The following ZFHX3 variants were observed in gnomAD, a reference collection of about 807,000 sequenced individuals.
ZFHX3 encodes zinc finger homeobox 3, also known as zinc finger homeobox protein 3.
ZFHX3 carries 42 observed loss-of-function variants against 279.1 expected under a neutral mutation model. The ratio of observed to expected loss-of-function variants is 0.15; its 90% CI spans 0.12 to 0.19. The LOEUF (loss-of-function observed/expected upper bound fraction) is 0.19, where lower values mean the gene tolerates loss of function less well. Ranked by LOEUF, ZFHX3 falls within the 10% of genes least tolerant of loss-of-function variation. ZFHX3 has a pLI of 1.00. For synonymous variants in ZFHX3, 2,293 were observed against 1,957.8 expected (o/e 1.17, Z -4.52); for missense variants, 4,981 against 4,754.0 (o/e 1.05, Z -1.40).
chr16:73,837,765 T>C (rs1555504355), intron 1 of ZFHX3, among the ~76,000 whole-genome samples: 1 of 152,124 alleles, frequency 6.6e-6, no homozygotes, highest in Non-Finnish European at 1.5e-5. Context: ...GCCTGATGAG[T>C]AGCTGGGATT....
chr16:73,683,962 A>G lies in ZFHX3; in HGVS notation c.-1607-3722T>C, dbSNP rs189966102. Among the ~76,000 whole-genome samples, 22 of 152,342 alleles carry G rather than the reference A, an allele frequency of 1.4e-4. No homozygotes were observed. In the East Asian group the frequency reaches 4.1e-3, roughly 28 times the overall value. On this transcript the variant is annotated intron_variant, in intron 1 of 17. Coordinates refer to the ZFHX3 transcript ENST00000641206. ...CCAAACTACTCAACTCTGTGCTTGTAGAAGGAAAGCAGTAGCTGTGTTCCA... is the reference window on the plus strand; with the variant it reads ...CCAAACTACTCAACTCTGTGCTTGTGGAAGGAAAGCAGTAGCTGTGTTCCA...
intron 2 of ZFHX3, chr16:73,680,101 C>T (rs2052995156): frequency 6.6e-6 from 1 of 152,116 alleles, no homozygotes; most frequent in African/African-American, 2.4e-5. Context: ...CCTTTAACTA[C>T]ATCGAATGAA....
At chr16:73,736,579 A>C (rs1279974791) in intron 1 of ZFHX3, among the ~76,000 whole-genome samples, 1 of 151,256 alleles carries the variant, frequency 6.6e-6, no homozygotes, top group Non-Finnish European at 1.5e-5. Flanking sequence ...AAATACAGAG[A>C]GGGAAATCAG....
intron 1 of ZFHX3, among the ~76,000 whole-genome samples, chr16:73,797,594 C>T (rs1176342076): frequency 6.6e-6 from 1 of 152,054 alleles, no homozygotes; most frequent in Non-Finnish European, 1.5e-5. Flanking sequence ...CATTGTATGA[C>T]AATGAAATTC....
chr16:73,449,479 T>C (rs530433978), intron 3 of ZFHX3, among the ~76,000 whole-genome samples: 3 of 151,974 alleles, frequency 2.0e-5, no homozygotes, highest in Non-Finnish European at 2.9e-5. Flanking sequence ...CTGGGCAACA[T>C]AGCAAGACCC....
At chr16:73,694,903 T>C (rs1267357569) in intron 1 of ZFHX3, among the ~76,000 whole-genome samples, 1 of 152,204 alleles carries the variant, frequency 6.6e-6, no homozygotes, top group Non-Finnish European at 1.5e-5. Flanking sequence ...TTAAACCATT[T>C]ACCGACCAAT....
At chr16:73,601,336 G>A (rs758327860) in intron 2 of ZFHX3, among the ~76,000 whole-genome samples, 17 of 150,982 alleles carry the variant, frequency 1.1e-4, no homozygotes, top group Non-Finnish European at 2.4e-4. Context: ...TGGGTGTGGT[G>A]GCACATGCCA....
intron 3 of ZFHX3, among the ~76,000 whole-genome samples, chr16:73,354,767 G>A (rs545376625): frequency 2.0e-5 from 3 of 152,224 alleles, no homozygotes; most frequent in East Asian, 1.9e-4. Context: ...TTCTGGCTGC[G>A]TTTTTCAGTC....
intron 5 of ZFHX3, among the ~76,000 whole-genome samples, chr16:73,243,045 T>C (rs989596371): frequency 8.5e-5 from 13 of 152,172 alleles, no homozygotes; most frequent in African/African-American, 2.4e-4. Context: ...TGTGGTTAAA[T>C]GAGTAGGGTC....
At chr16:73,476,089 G>A (rs1206431229) in intron 2 of ZFHX3, among the ~76,000 whole-genome samples, 1 of 152,148 alleles carries the variant, frequency 6.6e-6, no homozygotes, top group East Asian at 1.9e-4. Flanking sequence ...TTTTCTTTCT[G>A]TTATAGGGAT....
At chr16:73,206,587 C>T (rs1597219575) in intron 5 of ZFHX3, among the ~76,000 whole-genome samples, 2 of 152,174 alleles carry the variant, frequency 1.3e-5, no homozygotes, top group South Asian at 4.1e-4. Flanking sequence ...CATCTGTAGT[C>T]TTCTCCTTTA....
At chr16:72,915,502 C>T (rs1039073184) in intron 3 of ZFHX3, among the ~76,000 whole-genome samples, 6 of 152,204 alleles carry the variant, frequency 3.9e-5, no homozygotes, top group Non-Finnish European at 8.8e-5. Context: ...CAGTGGCTCA[C>T]ACTTGTAACC....
chr16:72,931,745 A>T (rs1363436853), intron 3 of ZFHX3, among the ~76,000 whole-genome samples: 1 of 152,122 alleles, frequency 6.6e-6, no homozygotes, highest in African/African-American at 2.4e-5. Flanking sequence ...CATTAAAGTG[A>T]GATTCCTAAG....
Position 72,870,895 on chromosome 16 carries a change from G to T in ZFHX3, c.3448+18836C>A, listed in dbSNP as rs999483683. Among the ~76,000 whole-genome samples the T allele has an allele frequency of 3.3e-5, 5 of 152,234 alleles. No individual in the cohort carries two copies. In the East Asian group the frequency reaches 9.6e-4, roughly 29 times the overall value. ...ATTTTGATCATTGTTCTGTGGTTAT[G>T]TAAAATATCTTTGTTCTTAGGAAAT... On this transcript the variant is annotated intron_variant, in intron 4 of 9. Transcript: ENST00000268489.
At chr16:73,602,149 GGAAAA>G (rs746030666) in intron 2 of ZFHX3, among the ~76,000 whole-genome samples, 5 of 151,930 alleles carry the variant, frequency 3.3e-5, no homozygotes, top group Non-Finnish European at 7.4e-5. Flanking sequence ...AACAGAAAAA[GGAAAA>G]GAAAAGAAGA....
chr16:72,963,348 A>G lies in ZFHX3; in HGVS notation c.-49-3154T>C, dbSNP rs1003419692. 4.6e-5 allele frequency among the ~76,000 whole-genome samples: 7 copies of G among 152,154 alleles called. No individual in the cohort carries two copies. In the South Asian group the frequency reaches 6.2e-4, roughly 14 times the overall value. ...AAAAATGTCCAGGTATTCTGCTCAC[A>G]ACCCCCAATGTTGCACTCAACATAT... On this transcript the variant is annotated intron_variant, in intron 1 of 9. Coordinates refer to ENST00000268489, the MANE Select transcript of ZFHX3 (RefSeq NM_006885.4).
chr16:73,867,915 G>A (rs1962069217), intron 1 of ZFHX3, among the ~76,000 whole-genome samples: 1 of 152,180 alleles, frequency 6.6e-6, no homozygotes, highest in Non-Finnish European at 1.5e-5. Context: ...CACAAGAACA[G>A]TGAGAACATG....
chr16:72,833,677 G>T (rs2037118804), intron 4 of ZFHX3, among the ~76,000 whole-genome samples: 1 of 152,138 alleles, frequency 6.6e-6, no homozygotes, highest in Non-Finnish European at 1.5e-5. Flanking sequence ...GGGAGAGAAG[G>T]TCATCCCCAC....
intron 1 of ZFHX3, among the ~76,000 whole-genome samples, chr16:73,865,251 A>G (rs1323177108): frequency 6.6e-6 from 1 of 152,244 alleles, no homozygotes; most frequent in Non-Finnish European, 1.5e-5. Context: ...CTTATGCAGC[A>G]AATGCTAACT....
Sources: allele counts gnomAD v4.1 joint callset (sites outside exome capture counted in the v4.1 genomes callset), GRCh38; gene constraint gnomAD v4.1.1; transcripts MANE v1.5; gene names NCBI Gene and HGNC (gene_info 2026-07-23, HGNC 2026-07-21).